AGGF1: variants seen among roughly 807,000 people sequenced by gnomAD.
The protein encoded by AGGF1 is angiogenic factor with G patch and FHA domains 1.
In AGGF1, 56 loss-of-function variants were observed where a neutral mutation model predicts 86.5. That is an observed-to-expected ratio of 0.65 (90% CI 0.52 to 0.81). AGGF1 has a LOEUF of 0.81. AGGF1 is among the 30% of genes least tolerant of loss of function. The pLI, the probability that AGGF1 is intolerant of heterozygous loss-of-function variation, is 0.00. For missense variants in AGGF1, 816 were observed against 850.9 expected, an observed-to-expected ratio of 0.96 and a Z score of 0.51; for synonymous variants, 313 against 297.1, an observed-to-expected ratio of 1.05 and a Z score of -0.55.
intron 5 of AGGF1, among the ~76,000 whole-genome samples, chr5:77,041,554 G>A (rs1262417697): frequency 1.5e-5 from 2 of 129,900 alleles, no homozygotes; most frequent in African/African-American, 2.9e-5. Flanking sequence ...GCAACAGAGC[G>A]AGACTCCATC....
intron 5 of AGGF1, among the ~76,000 whole-genome samples, chr5:77,044,645 T>C (rs1271145534): frequency 1.3e-5 from 2 of 152,190 alleles, no homozygotes; most frequent in African/African-American, 2.4e-5. Context: ...TTTAAGAGTA[T>C]ATACAGATAG....
intron 1 of AGGF1, among the ~76,000 whole-genome samples, chr5:77,032,359 A>C (rs1159336069): frequency 1.3e-5 from 2 of 151,620 alleles, no homozygotes; most frequent in South Asian, 4.2e-4. Context: ...CGAGGTCAGA[A>C]GATCGAGACC....
chr5:77,041,857 CAGAGGGGGAT>C (rs1747093719), intron 5 of AGGF1, among the ~76,000 whole-genome samples: 1 of 143,680 alleles, frequency 7.0e-6, no homozygotes, highest in Non-Finnish European at 1.5e-5. Flanking sequence ...GTGTTTCTCA[CAGAGGGGGAT>C]TTGGCAGGGT....
At chr5:77,052,421 A>G (rs1374210130) in intron 8 of AGGF1, among the ~76,000 whole-genome samples, 1 of 152,152 alleles carries the variant, frequency 6.6e-6, no homozygotes, top group East Asian at 1.9e-4. Flanking sequence ...AAATACTTAC[A>G]TTAGGTCAAA....
In AGGF1 at chr5:77,063,273, A is replaced by C. The variant is rs1033987615; in HGVS notation, c.*21A>C. ...AGTGAAGGCTAATCATAGAAAAAAA[A>C]CCTCTAGTTTTTTTAAAAATAGAAT... On this transcript the variant is annotated 3_prime_UTR_variant, in exon 14 of 14. Transcript: ENST00000312916. 1 of 1,607,072 alleles carries C rather than the reference A, an allele frequency of 6.2e-7. No individual in the cohort carries two copies. Among genetic ancestry groups the C allele is most frequent in the Non-Finnish European group, 8.5e-7 (1 of 1,175,570 alleles).
intron 8 of AGGF1, 60 bp downstream of exon 8, chr5:77,049,047 CAG>C: frequency 6.6e-7 from 1 of 1,515,758 alleles, no homozygotes; most frequent in Non-Finnish European, 9.1e-7. Flanking sequence ...ATTATTATTA[CAG>C]TAGAAAGCTT....
At position 77,030,669 on chromosome 5, in the gene AGGF1, C is replaced by T. The variant is rs996487588; in HGVS notation, c.-98C>T. The T allele has an allele frequency of 5.0e-6, 7 of 1,390,016 alleles. No individual in the cohort carries two copies. The African/African-American group carries it at 7.1e-5, about 14-fold the overall frequency. 86.1% of individuals were successfully genotyped at this position (1,390,016 alleles called of 1,614,324 possible). On this transcript the variant is annotated 5_prime_UTR_variant, in exon 1 of 14. Coordinates refer to ENST00000312916, the MANE Select transcript of AGGF1 (RefSeq NM_018046.5). ...GCCAGCCGGGTGTGAGGCTGCCTTT[C>T]GCTGCCCGCGCGCTCCAGTGGTCTC...
chr5:77,035,978 A>G (rs1483593701), intron 3 of AGGF1: 20 of 447,340 alleles, frequency 4.5e-5, no homozygotes, highest in Non-Finnish European at 7.6e-5. Flanking sequence ...TGATCTACAT[A>G]AACTAAAACA....
chr5:77,039,261 T>C (rs1747020930), intron 4 of AGGF1, among the ~76,000 whole-genome samples: 1 of 152,166 alleles, frequency 6.6e-6, no homozygotes, highest in African/African-American at 2.4e-5. Context: ...TCTTATAAGT[T>C]AAAAGTGGTC....
chr5:77,043,565 C>T (rs1329357469), intron 5 of AGGF1, among the ~76,000 whole-genome samples: 19 of 128,478 alleles, frequency 1.5e-4, no homozygotes, highest in Middle Eastern at 4.5e-3. Flanking sequence ...CCGGACGGCA[C>T]GGCTGGCCAG....
rs202148839 is a variant in AGGF1 at position 77,035,570 on chromosome 5, G to A, written c.343G>A (p.Val115Ile). Reference sequence around the variant, plus strand: ...TTTTTATCAGACGTACTACAATGACGTTAGTCTTCCAAATAAAGTGACTGA... The same window carrying A: ...TTTTTATCAGACGTACTACAATGACATTAGTCTTCCAAATAAAGTGACTGA... Reference protein sequence around the residue: ...DYFYQTYYNDVSLPNKVTELS... With the variant: ...DYFYQTYYNDISLPNKVTELS... Residue 115 changes from valine to isoleucine, a missense_variant, in exon 3 of 14, where the codon GTT (valine) becomes ATT (isoleucine). Coordinates refer to ENST00000312916, the MANE Select transcript of AGGF1 (RefSeq NM_018046.5). 50 of 1,613,038 alleles carry A rather than the reference G, an allele frequency of 3.1e-5. No individual in the cohort carries two copies. Among genetic ancestry groups the A allele is most frequent in the Middle Eastern group, 1.7e-4 (1 of 5,994 alleles).
chr5:77,061,643 T>G (rs1747566324), intron 12 of AGGF1, 60 bp from the exon 13 acceptor site: 2 of 1,496,400 alleles, frequency 1.3e-6, no homozygotes, highest in Non-Finnish European at 1.9e-6. Context: ...CATGAATTTA[T>G]TATAAATGTG....
At chr5:77,059,246 A>T (rs1747510671) in intron 11 of AGGF1, among the ~76,000 whole-genome samples, 1 of 152,336 alleles carries the variant, frequency 6.6e-6, no homozygotes, top group South Asian at 2.1e-4. Flanking sequence ...TCTTATGTAT[A>T]TGTATGTTGT....
At chr5:77,040,861 T>C (rs1306669358) in intron 5 of AGGF1, among the ~76,000 whole-genome samples, 3 of 152,180 alleles carry the variant, frequency 2.0e-5, no homozygotes, top group Non-Finnish European at 2.9e-5. Context: ...TCTGTCCTTC[T>C]GTCCTGTCCT....
chr5:77,048,142 T>C lies in AGGF1; in HGVS notation c.1202-19T>C, dbSNP rs1199328798. On this transcript the variant is annotated intron_variant, in intron 6 of 13. Transcript: ENST00000312916. ...TCATAGTAGTTAAATTAATATTTAC[T>C]CACTTCTTTCCTTGGCAGATGAAGA... is the stretch of plus-strand genomic sequence containing the variant. 2.1e-6 allele frequency: 3 copies of C among 1,441,374 alleles called. No individual in the cohort carries two copies. The highest frequency in any genetic ancestry group is 2.9e-6 in the Non-Finnish European group (3 of 1,023,790). 89.3% of individuals were successfully genotyped at this position (1,441,374 alleles called of 1,614,324 possible). A position where few individuals can be genotyped will look rare whatever the true frequency, so the allele number is the denominator to read the frequency against.
chr5:77,040,208 A>G (rs796161974), intron 5 of AGGF1, among the ~76,000 whole-genome samples: 13 of 151,912 alleles, frequency 8.6e-5, no homozygotes, highest in African/African-American at 3.1e-4. Flanking sequence ...TCCCAGGTTC[A>G]AGTGATTCTC....
At chr5:77,036,316 A>AT (rs1746966340) in intron 3 of AGGF1, among the ~76,000 whole-genome samples, 1 of 152,228 alleles carries the variant, frequency 6.6e-6, no homozygotes, top group Non-Finnish European at 1.5e-5. Flanking sequence ...GGCATCATAC[A>AT]TTTATTCTCG....
chr5:77,052,808 G>A lies in AGGF1; in HGVS notation c.1467+1G>A. On this transcript the variant is annotated splice_donor_variant, in intron 9 of 13. Transcript: ENST00000312916. LOFTEE classifies it high-confidence loss of function. Reference sequence around the variant, plus strand: ...TGTTAATGGAAAACAGATTCTTCAGGTGAGTGTATATGTGTTAATTTGTTA... The same window carrying A: ...TGTTAATGGAAAACAGATTCTTCAGATGAGTGTATATGTGTTAATTTGTTA... 1 of 1,609,054 alleles carries A rather than the reference G, an allele frequency of 6.2e-7. No individual in the cohort carries two copies.
At position 77,052,733 on chromosome 5, in the gene AGGF1, G is replaced by A; in HGVS notation, c.1393G>A (p.Asp465Asn). The A allele has an allele frequency of 1.2e-5, 20 of 1,613,312 alleles. No individual in the cohort carries two copies. The highest frequency in any genetic ancestry group is 1.7e-5 in the Non-Finnish European group (20 of 1,179,672). Residue 465 changes from aspartate to asparagine, a missense_variant, in exon 9 of 14, where the codon GAC (aspartate) becomes AAC (asparagine). Transcript: ENST00000312916. Reference sequence around the variant, plus strand: ...TCATGCAGAAATTTATTTTGACCATGACTTACAAAGTTATGTCCTTGTGGA... The same window carrying A: ...TCATGCAGAAATTTATTTTGACCATAACTTACAAAGTTATGTCCTTGTGGA... ...KFHAEIYFDH[D>N]LQSYVLVDQG...
Sources: gnomAD v4.1 joint callset for allele counts (sites outside exome capture counted in the v4.1 genomes callset) on GRCh38, gnomAD v4.1.1 for gene constraint, MANE v1.5 for transcripts, NCBI Gene and HGNC (gene_info 2026-07-23, HGNC 2026-07-21) for gene names.